The following PDS5B variants were observed in gnomAD, a reference collection of about 807,000 sequenced individuals.
The protein encoded by PDS5B is PDS5 cohesin associated factor B.
In PDS5B, 51 loss-of-function variants were observed where a neutral mutation model predicts 184.1. The observed-to-expected ratio is 0.28, with a 90% CI of 0.22 to 0.35. The LOEUF (loss-of-function observed/expected upper bound fraction) is 0.35. PDS5B is among the 10% of genes least tolerant of loss of function. The probability of loss-of-function intolerance (pLI) is 1.00; values close to 1 mark genes in which losing one functional copy is unlikely to be tolerated. For synonymous variants in PDS5B, 566 were observed against 569.2 expected, an observed-to-expected ratio of 0.99 and a Z score of 0.08; for missense variants, 1,180 against 1,723.3, an observed-to-expected ratio of 0.68 and a Z score of 5.58.
rs752728836 is a variant in PDS5B, at chr13:32,755,891, C to T, written c.2991C>T (p.His997=). 7 of 1,583,720 alleles carry T rather than the reference C, an allele frequency of 4.4e-6. No homozygotes were observed. The highest frequency in any genetic ancestry group is 5.2e-6 in the Non-Finnish European group (6 of 1,157,936). The change falls in exon 26 of 35, where the codon CAC becomes CAT. Residue 997 remains histidine (H), a synonymous_variant. Transcript: ENST00000315596. ...AGTATGTTGTTCCATATACAATTCA[C>T]CTTTTGGCACATGACCCAGATTATG... is the stretch of plus-strand genomic sequence containing the variant. The part of the protein sequence containing the change: ...LPEYVVPYTI[H]LLAHDPDYVK...
intron 24 of PDS5B, among the ~76,000 whole-genome samples, chr13:32,750,008 A>C (rs1953915855): frequency 6.6e-6 from 1 of 152,218 alleles, no homozygotes; most frequent in Admixed American, 6.5e-5. Flanking sequence ...TCATCTTTGC[A>C]GAAAAATATT....
intron 23 of PDS5B, among the ~76,000 whole-genome samples, chr13:32,745,649 C>A (rs1245821983): frequency 1.3e-5 from 2 of 152,110 alleles, no homozygotes; most frequent in African/African-American, 2.4e-5. Flanking sequence ...AGGGCCCTCT[C>A]CAGGGTTGCA....
intron 13 of PDS5B, chr13:32,689,255 T>C (rs1209085448): frequency 1.3e-5 from 2 of 152,310 alleles, no homozygotes; most frequent in East Asian, 3.9e-4. Flanking sequence ...GTTGAGAAAT[T>C]TGAGAGATCT....
chr13:32,665,026 G>A (rs1043997506), intron 6 of PDS5B, among the ~76,000 whole-genome samples: 2 of 152,048 alleles, frequency 1.3e-5, no homozygotes, highest in African/African-American at 4.8e-5. Context: ...TGTCCCTTTG[G>A]CTATAATCAG....
chr13:32,696,831 G>C (rs1331710154), intron 14 of PDS5B, 23 bp from the exon 15 acceptor site: 2 of 1,573,466 alleles, frequency 1.3e-6, no homozygotes, highest in Non-Finnish European at 1.7e-6. Context: ...TTTTAATTTT[G>C]CATTTTTTTG....
rs2141038491 is a variant in PDS5B, at chr13:32,770,482, A to G, written c.3986A>G (p.Glu1329Gly). 6.2e-7 allele frequency: 1 copy of G among 1,612,188 alleles called. No homozygotes were observed. Among genetic ancestry groups the G allele is most frequent in the Non-Finnish European group, 8.5e-7 (1 of 1,179,664 alleles). Residue 1329 changes from glutamate to glycine, a missense_variant, in exon 32 of 35, where the codon GAA (glutamate) becomes GGA (glycine). Coordinates refer to ENST00000315596, the MANE Select transcript of PDS5B (RefSeq NM_015032.4). The part of the protein sequence containing the change: ...SGPPAPEEEE[E>G]EERQSGNTEQ... Reference sequence around the variant, plus strand: ...CCTCCAGCACCAGAGGAGGAGGAAGAAGAAGAAAGACAAAGTGGAAATACG... The same window carrying G: ...CCTCCAGCACCAGAGGAGGAGGAAGGAGAAGAAAGACAAAGTGGAAATACG...
intron 1 of PDS5B, among the ~76,000 whole-genome samples, chr13:32,646,369 GTTT>G (rs58539534): frequency 2.8e-5 from 3 of 106,070 alleles, no homozygotes; most frequent in Admixed American, 1.1e-4. Flanking sequence ...TCATGGCTGT[GTTT>G]TTTTTTTTTT....
intron 12 of PDS5B, among the ~76,000 whole-genome samples, 179 bp downstream of exon 12, chr13:32,687,464 C>T (rs1951429928): frequency 2.0e-5 from 3 of 152,188 alleles, no homozygotes; most frequent in Admixed American, 1.3e-4. Context: ...CAGTAATGTA[C>T]ATATAACTTT....
At chr13:32,677,698 A>G (rs1320759808) in intron 9 of PDS5B, among the ~76,000 whole-genome samples, 1 of 151,010 alleles carries the variant, frequency 6.6e-6, no homozygotes, top group Non-Finnish European at 1.5e-5. Context: ...TCTAATTTTT[A>G]TGAGTAATTT....
At chr13:32,601,379 A>G (rs190584857) in intron 1 of PDS5B, among the ~76,000 whole-genome samples, 1 of 152,366 alleles carries the variant, frequency 6.6e-6, no homozygotes, top group African/African-American at 2.4e-5. Flanking sequence ...TTAGAATAAG[A>G]TAGAAACTCA....
intron 1 of PDS5B, among the ~76,000 whole-genome samples, chr13:32,646,784 T>A (rs1201962077): frequency 6.6e-6 from 1 of 152,186 alleles, no homozygotes; most frequent in Admixed American, 6.5e-5. Context: ...GTAGGTACTT[T>A]ATATATAAAT....
intron 24 of PDS5B, among the ~76,000 whole-genome samples, chr13:32,751,161 G>A (rs1009916664): frequency 6.6e-6 from 1 of 152,112 alleles, no homozygotes; most frequent in Admixed American, 6.5e-5. Flanking sequence ...TTCACTAAAG[G>A]TAATGGCCTC....
At chr13:32,693,840 G>T (rs1951623300) in intron 13 of PDS5B, among the ~76,000 whole-genome samples, 1 of 151,512 alleles carries the variant, frequency 6.6e-6, no homozygotes, top group African/African-American at 2.4e-5. Flanking sequence ...ATTCCAGACT[G>T]TTTACAATTT....
At chr13:32,750,079 G>T (rs1566407772) in intron 24 of PDS5B, among the ~76,000 whole-genome samples, 1 of 152,240 alleles carries the variant, frequency 6.6e-6, no homozygotes, top group East Asian at 1.9e-4. Context: ...TGATTCTCTT[G>T]AAGTACCTAT....
chr13:32,627,211 T>G (rs1454374547), intron 1 of PDS5B, among the ~76,000 whole-genome samples: 1 of 152,228 alleles, frequency 6.6e-6, no homozygotes. Flanking sequence ...GTGAATTTGC[T>G]GTGATATCTA....
chr13:32,590,114 ATAAT>A (rs1221144481), intron 1 of PDS5B, among the ~76,000 whole-genome samples: 2 of 152,244 alleles, frequency 1.3e-5, no homozygotes, highest in Non-Finnish European at 2.9e-5. Flanking sequence ...TTGTGTTCTA[ATAAT>A]TAGACATTAA....
At chr13:32,596,977 T>C (rs1385993825) in intron 1 of PDS5B, among the ~76,000 whole-genome samples, 2 of 152,144 alleles carry the variant, frequency 1.3e-5, no homozygotes, top group Admixed American at 1.3e-4. Context: ...GTGGAAGTTT[T>C]AAAATTTGAT....
intron 14 of PDS5B, among the ~76,000 whole-genome samples, chr13:32,695,411 T>C (rs890430277): frequency 2.6e-5 from 4 of 151,976 alleles, no homozygotes; most frequent in Non-Finnish European, 5.9e-5. Flanking sequence ...TTAGTATGTT[T>C]AGCCAATAAG....
chr13:32,607,021 TTTG>T (rs573260524), intron 1 of PDS5B, among the ~76,000 whole-genome samples: 3 of 152,086 alleles, frequency 2.0e-5, no homozygotes, highest in Non-Finnish European at 4.4e-5. Context: ...TCCGGAGAAG[TTTG>T]TTATTACCGA....
Sources: gnomAD v4.1 joint callset for allele counts (sites outside exome capture counted in the v4.1 genomes callset) on GRCh38, gnomAD v4.1.1 for gene constraint, MANE v1.5 for transcripts, NCBI Gene and HGNC (gene_info 2026-07-23, HGNC 2026-07-21) for gene names.